The following GAREM1 variants were observed in gnomAD, a reference collection of about 807,000 sequenced individuals.
GAREM1 encodes GRB2 associated regulator of MAPK1 subtype 1.
Under a neutral mutation model 71.3 loss-of-function variants are expected in GAREM1, and 26 were observed. That is an observed-to-expected ratio of 0.36 (90% CI 0.27 to 0.51). The LOEUF is 0.51. GAREM1 is among the 20% of genes least tolerant of loss of function. The pLI, the probability that GAREM1 is intolerant of heterozygous loss-of-function variation, is 0.95. For missense variants in GAREM1, 1,026 were observed against 1,103.1 expected (o/e 0.93, Z 0.99); for synonymous variants, 440 against 433.2 (o/e 1.02, Z -0.20).
rs184361261 is a variant in GAREM1, at chr18:32,425,098, G to A, written c.122-32063C>T. Reference sequence around the variant, plus strand: ...CCCTCCACTATTTTTACCTCAATGCGTTGGGCATATGTTAATTTGTTATTA... The same window carrying A: ...CCCTCCACTATTTTTACCTCAATGCATTGGGCATATGTTAATTTGTTATTA... On this transcript the variant is annotated intron_variant, in intron 1 of 5. Coordinates refer to ENST00000269209, the MANE Select transcript of GAREM1 (RefSeq NM_001242409.2). 9.2e-5 allele frequency among the ~76,000 whole-genome samples: 14 copies of A among 152,202 alleles called. No homozygotes were observed. In the East Asian group the frequency reaches 1.2e-3, roughly 13 times the overall value.
intron 3 of GAREM1, among the ~76,000 whole-genome samples, chr18:32,302,862 T>C (rs1330900416): frequency 6.6e-6 from 1 of 152,150 alleles, no homozygotes; most frequent in Non-Finnish European, 1.5e-5. Context: ...AAAGAAAAGG[T>C]ACCGCTGAAA....
intron 1 of GAREM1, among the ~76,000 whole-genome samples, chr18:32,444,433 A>C (rs1018668752): frequency 3.3e-5 from 5 of 152,168 alleles, no homozygotes; most frequent in African/African-American, 1.2e-4. Context: ...ACCTATGTTT[A>C]AGTGCATGGC....
intron 4 of GAREM1, among the ~76,000 whole-genome samples, chr18:32,285,607 A>C (rs1409049161): frequency 1.3e-5 from 2 of 152,210 alleles, no homozygotes; most frequent in South Asian, 4.1e-4. Flanking sequence ...AAAATGTCAT[A>C]ATCTCCATGG....
At chr18:32,446,361 A>C (rs1207442752) in intron 1 of GAREM1, among the ~76,000 whole-genome samples, 1 of 152,100 alleles carries the variant, frequency 6.6e-6, no homozygotes, top group African/African-American at 2.4e-5. Context: ...TATTTCACTT[A>C]ATCATCACAA....
chr18:32,338,481 T>G (rs1348963045), intron 2 of GAREM1, among the ~76,000 whole-genome samples: 3 of 152,164 alleles, frequency 2.0e-5, no homozygotes, highest in Non-Finnish European at 4.4e-5. Context: ...AACCATGAAA[T>G]GCTTATTTTC....
chr18:32,458,846 T>C (rs1056140619), intron 1 of GAREM1, among the ~76,000 whole-genome samples: 4 of 152,086 alleles, frequency 2.6e-5, no homozygotes, highest in African/African-American at 9.7e-5. Context: ...CTGCTGAAGG[T>C]AGAATCTTTC....
At chr18:32,423,479 A>G (rs1240292569) in intron 1 of GAREM1, among the ~76,000 whole-genome samples, 1 of 152,234 alleles carries the variant, frequency 6.6e-6, no homozygotes, top group African/African-American at 2.4e-5. Flanking sequence ...TCTGTGCAAG[A>G]GAATTATACC....
chr18:32,458,946 TG>T (rs564844707), intron 1 of GAREM1, among the ~76,000 whole-genome samples: 78 of 152,096 alleles, frequency 5.1e-4, no homozygotes, highest in Admixed American at 9.2e-4. Flanking sequence ...AATAATAAAA[TG>T]ATGTAAAAAG....
intron 2 of GAREM1, among the ~76,000 whole-genome samples, chr18:32,337,984 C>T (rs1472268439): frequency 1.3e-5 from 2 of 152,154 alleles, no homozygotes; most frequent in Non-Finnish European, 2.9e-5. Context: ...GACCCAAACC[C>T]GACAGACTCA....
chr18:32,417,852 G>A (rs917038720), intron 1 of GAREM1, among the ~76,000 whole-genome samples: 1 of 152,062 alleles, frequency 6.6e-6, no homozygotes, highest in Non-Finnish European at 1.5e-5. Context: ...TAATTTAATT[G>A]TACATTTAAA....
chr18:32,408,357 T>C (rs534631203), intron 1 of GAREM1, among the ~76,000 whole-genome samples: 21 of 152,220 alleles, frequency 1.4e-4, no homozygotes, highest in Admixed American at 1.3e-4. Context: ...GTATATATTA[T>C]ATGCTTTGAT....
chr18:32,275,564 C>T (rs1198522392), intron 4 of GAREM1, among the ~76,000 whole-genome samples: 1 of 152,194 alleles, frequency 6.6e-6, no homozygotes, highest in African/African-American at 2.4e-5. Flanking sequence ...GAGCACAGTG[C>T]GGATACACGG....
intron 1 of GAREM1, among the ~76,000 whole-genome samples, chr18:32,457,224 A>ATGTGTGTGTGT (rs1555648700): frequency 5.6e-5 from 6 of 107,362 alleles, no homozygotes; most frequent in Admixed American, 1.0e-4. Context: ...AGAGAGAGAG[A>ATGTGTGTGTGT]GAGTGTGTGT....
At chr18:32,427,473 AG>A (rs1306640485) in intron 1 of GAREM1, among the ~76,000 whole-genome samples, 1 of 152,180 alleles carries the variant, frequency 6.6e-6, no homozygotes, top group African/African-American at 2.4e-5. Flanking sequence ...GGAAATTGAG[AG>A]TTCAATCTTG....
At chr18:32,353,564 T>TG (rs1309848511) in intron 2 of GAREM1, among the ~76,000 whole-genome samples, 1 of 152,222 alleles carries the variant, frequency 6.6e-6, no homozygotes, top group African/African-American at 2.4e-5. Flanking sequence ...TCTTTACCTA[T>TG]GGGCTTTGAC....
chr18:32,268,213 C>T lies in GAREM1; in HGVS notation c.2289G>A (p.Ser763=), dbSNP rs770056842. 4.2e-5 allele frequency: 68 copies of T among 1,613,972 alleles called. No individual in the cohort carries two copies. Among genetic ancestry groups the T allele is most frequent in the Non-Finnish European group, 5.3e-5 (62 of 1,180,016 alleles). Residue 763 remains serine, a synonymous_variant, in exon 6 of 6, where the codon TCG becomes TCA. Coordinates refer to ENST00000269209, the MANE Select transcript of GAREM1 (RefSeq NM_001242409.2). ...EDPKSGSPDL[S]EDQYFVKKGM... The stretch of plus-strand genomic sequence containing the variant: ...CCTTTTTAACAAAATACTGGTCCTC[C>T]GAGAGATCTGGTGACCCAGACTTGG...
At chr18:32,285,028 T>A (rs976003829) in intron 4 of GAREM1, among the ~76,000 whole-genome samples, 1 of 151,880 alleles carries the variant, frequency 6.6e-6, no homozygotes, top group Non-Finnish European at 1.5e-5. Flanking sequence ...GGATTACAGG[T>A]GTGAGCCACT....
chr18:32,283,712 G>C (rs2046978556), intron 4 of GAREM1, among the ~76,000 whole-genome samples: 1 of 152,050 alleles, frequency 6.6e-6, no homozygotes, highest in African/African-American at 2.4e-5. Flanking sequence ...TACATGAATG[G>C]GATTAAACGG....
intron 3 of GAREM1, among the ~76,000 whole-genome samples, chr18:32,295,455 A>G (rs1167556057): frequency 1.3e-5 from 2 of 152,204 alleles, no homozygotes; most frequent in Non-Finnish European, 2.9e-5. Context: ...TTTTGGTATC[A>G]GGCTTACATT....
Sources: gnomAD v4.1 joint callset for allele counts (sites outside exome capture counted in the v4.1 genomes callset) on GRCh38, gnomAD v4.1.1 for gene constraint, MANE v1.5 for transcripts, NCBI Gene and HGNC (gene_info 2026-07-23, HGNC 2026-07-21) for gene names.